Variants in CDH4 observed in about 807,000 individuals in gnomAD.
CDH4 encodes the protein cadherin-4.
CDH4 carries 33 observed loss-of-function variants against 86.0 expected under a neutral mutation model. The ratio of observed to expected loss-of-function variants is 0.38; its 90% CI spans 0.29 to 0.51. CDH4 has a LOEUF of 0.51. Ranked by LOEUF, CDH4 falls within the 20% of genes least tolerant of loss-of-function variation. CDH4 has a pLI of 0.86. For synonymous variants in CDH4, 555 were observed against 549.4 expected, an observed-to-expected ratio of 1.01 and a Z score of -0.14; for missense variants, 1,114 against 1,307.4, an observed-to-expected ratio of 0.85 and a Z score of 2.28.
chr20:61,381,495 A>G (rs923019555), intron 2 of CDH4, among the ~76,000 whole-genome samples: 2 of 152,134 alleles, frequency 1.3e-5, no homozygotes, highest in Non-Finnish European at 2.9e-5. Flanking sequence ...GAAGAGGATA[A>G]ATGAACCAAG....
chr20:61,655,718 C>T (rs2087180030), intron 2 of CDH4, among the ~76,000 whole-genome samples: 2 of 152,350 alleles, frequency 1.3e-5, no homozygotes, highest in Non-Finnish European at 2.9e-5. Flanking sequence ...TTCATTCATT[C>T]GTGGGCCAGG....
intron 4 of CDH4, among the ~76,000 whole-genome samples, chr20:61,844,209 T>A (rs1393706552): frequency 3.9e-5 from 6 of 152,198 alleles, no homozygotes; most frequent in Non-Finnish European, 5.9e-5. Flanking sequence ...TACTTTGGAC[T>A]TGGGACCCGG....
intron 3 of CDH4, chr20:61,755,002 G>A (rs2088544295): frequency 6.6e-6 from 1 of 152,338 alleles, no homozygotes; most frequent in Non-Finnish European, 1.5e-5. Flanking sequence ...AGTTCCACAT[G>A]GCTGTGAGGC....
Position 61,607,617 on chromosome 20 carries a change from A to G in CDH4, c.170-135946A>G, listed in dbSNP as rs934261662. On this transcript the variant is annotated intron_variant, in intron 2 of 15. Coordinates refer to ENST00000614565, the MANE Select transcript of CDH4 (RefSeq NM_001794.5). ...TTTCCGACACCTACGTGGACTCGCA[A>G]TAGCATCTTAGAGGTCCCAGGTGAA... Among the ~76,000 whole-genome samples the G allele has an allele frequency of 1.3e-4, 20 of 152,336 alleles. No homozygotes were observed. The East Asian group carries it at 2.9e-3, about 22-fold the overall frequency.
chr20:61,795,088 T>G, intron 4 of CDH4, among the ~76,000 whole-genome samples: 1 of 111,186 alleles, frequency 9.0e-6, no homozygotes. Flanking sequence ...GTGATGATGT[T>G]GATGGTAATG....
chr20:61,726,135 G>T (rs148217768), intron 2 of CDH4, among the ~76,000 whole-genome samples: 14 of 152,174 alleles, frequency 9.2e-5, no homozygotes, highest in African/African-American at 2.2e-4. Flanking sequence ...TCTCGGGGGG[G>T]ACTGTGGTGA....
intron 2 of CDH4, among the ~76,000 whole-genome samples, chr20:61,727,831 C>T (rs1329718443): frequency 6.6e-6 from 1 of 152,200 alleles, no homozygotes; most frequent in Non-Finnish European, 1.5e-5. Context: ...AATGCCTCCC[C>T]CCGACCACCC....
At chr20:61,537,855 C>T (rs1600738874) in intron 2 of CDH4, among the ~76,000 whole-genome samples, 1 of 152,310 alleles carries the variant, frequency 6.6e-6, no homozygotes, top group South Asian at 2.1e-4. Context: ...ACAGAAACAT[C>T]ACAGCGCCAT....
At chr20:61,420,825 G>A (rs578068099) in intron 2 of CDH4, among the ~76,000 whole-genome samples, 9 of 152,320 alleles carry the variant, frequency 5.9e-5, no homozygotes, top group African/African-American at 1.2e-4. Flanking sequence ...CATGTCCCAC[G>A]GGGGATGATA....
Position 61,758,827 on chromosome 20 carries a change from C to T in CDH4, c.397-14176C>T, listed in dbSNP as rs536061268. 2.6e-5 allele frequency among the ~76,000 whole-genome samples: 4 copies of T among 152,298 alleles called. No homozygotes were observed. The East Asian group carries it at 5.8e-4, about 22-fold the overall frequency. On this transcript the variant is annotated intron_variant, in intron 3 of 15. Transcript: ENST00000614565. Reference sequence around the variant, plus strand: ...GCTGAGAGGGCGCACAGGCGTGGTGCGGGGCAGGCACACGGGCCCTCCAGC... The same window carrying T: ...GCTGAGAGGGCGCACAGGCGTGGTGTGGGGCAGGCACACGGGCCCTCCAGC...
rs2085699786 is a variant in CDH4 at position 61,501,369 on chromosome 20, T to C, written c.170-242194T>C. Reference sequence around the variant, plus strand: ...TGGAAAGAGAGAGCATTGGGGTGACTGAGACAAATGGAGTGTGGCCTGCTT... The same window carrying C: ...TGGAAAGAGAGAGCATTGGGGTGACCGAGACAAATGGAGTGTGGCCTGCTT... On this transcript the variant is annotated intron_variant, in intron 2 of 15. Transcript: ENST00000614565. The surrounding 1 kb of genome is among the most constrained non-coding windows in gnomAD (Gnocchi z 4.2). 6.6e-6 allele frequency among the ~76,000 whole-genome samples: 1 copy of C among 152,194 alleles called. No homozygotes were observed. The highest frequency in any genetic ancestry group is 2.1e-4 in the South Asian group (1 of 4,822).
rs994362982 is a variant in CDH4 at position 61,938,759 on chromosome 20, C to T, written c.*1816C>T. 5 of 152,392 alleles carry T rather than the reference C, an allele frequency of 3.3e-5. No individual in the cohort carries two copies. Among genetic ancestry groups the T allele is most frequent in the South Asian group, 2.1e-4 (1 of 4,834 alleles). 9.4% of individuals were successfully genotyped at this position (152,392 alleles called of 1,614,324 possible). ...CAGCTTTGGCCTTGAGTGCACACAT[C>T]TGTGCCAGGCTCACGGCATGTTCCC... On this transcript the variant is annotated 3_prime_UTR_variant, in exon 16 of 16. Transcript: ENST00000614565.
chr20:61,565,130 G>A (rs1441513748), intron 2 of CDH4, among the ~76,000 whole-genome samples: 4 of 143,276 alleles, frequency 2.8e-5, no homozygotes, highest in East Asian at 2.0e-4. Context: ...TCTTGGTGGT[G>A]CTGGTCCTCT....
At chr20:61,406,407 C>T (rs1176024147) in intron 2 of CDH4, among the ~76,000 whole-genome samples, 3 of 151,000 alleles carry the variant, frequency 2.0e-5, no homozygotes, top group Non-Finnish European at 2.9e-5. Context: ...TCTGCCCAGA[C>T]CACCATCTGC....
intron 4 of CDH4, among the ~76,000 whole-genome samples, chr20:61,792,245 C>T (rs966729605): frequency 6.6e-6 from 1 of 152,088 alleles, no homozygotes; most frequent in Non-Finnish European, 1.5e-5. Flanking sequence ...GAGGCTGGCT[C>T]CTGGGTTTTC....
chr20:61,309,142 T>C (rs2084432377), intron 2 of CDH4, among the ~76,000 whole-genome samples: 1 of 152,256 alleles, frequency 6.6e-6, no homozygotes, highest in Non-Finnish European at 1.5e-5. Flanking sequence ...AGGCTGGCCC[T>C]GTGCAGCTCG....
At chr20:61,618,478 C>A (rs1245483518) in intron 2 of CDH4, among the ~76,000 whole-genome samples, 3 of 152,128 alleles carry the variant, frequency 2.0e-5, no homozygotes, top group Non-Finnish European at 4.4e-5. Context: ...GATGGTGGCA[C>A]AGAGATGCCC....
At chr20:61,615,165 C>A (rs1302714090) in intron 2 of CDH4, among the ~76,000 whole-genome samples, 2 of 151,830 alleles carry the variant, frequency 1.3e-5, no homozygotes, top group Admixed American at 1.3e-4. Flanking sequence ...CTCTGTCACC[C>A]AGTCTGGAGT....
chr20:61,548,535 C>T lies in CDH4; in HGVS notation c.170-195028C>T, dbSNP rs188692948. On this transcript the variant is annotated intron_variant, in intron 2 of 15. Coordinates refer to ENST00000614565, the MANE Select transcript of CDH4 (RefSeq NM_001794.5). ...TAATATGGAACTATCAAGCAGAATT[C>T]TTGGGGCAAGATTTTATTCAGATTT... 3.0e-3 allele frequency among the ~76,000 whole-genome samples: 455 copies of T among 152,096 alleles called. 5 individuals carry two copies. The highest frequency in any genetic ancestry group is 0.015 in the Admixed American group (228 of 15,274).
Sources: gnomAD v4.1 joint callset for allele counts (sites outside exome capture counted in the v4.1 genomes callset) on GRCh38, gnomAD v4.1.1 for gene constraint, Gnocchi (gnomAD v3.1) non-coding constraint, MANE v1.5 for transcripts, NCBI Gene and HGNC (gene_info 2026-07-23, HGNC 2026-07-21) for gene names.